PCM1: variants seen among roughly 807,000 people sequenced by gnomAD.
PCM1 encodes the protein pericentriolar material 1 protein.
PCM1 carries 157 observed loss-of-function variants against 241.9 expected under a neutral mutation model. That is an observed-to-expected ratio of 0.65 (90% confidence interval 0.57 to 0.74). The LOEUF (loss-of-function observed/expected upper bound fraction) is 0.74, where lower values mean the gene tolerates loss of function less well. PCM1 is among the 30% of genes least tolerant of loss of function. PCM1 has a pLI of 0.00. For missense variants in PCM1, 3,478 were observed against 2,360.1 expected (o/e 1.47, Z -9.81); for synonymous variants, 1,085 against 784.9 (o/e 1.38, Z -6.39).
chr8:17,963,374 C>A, intron 17 of PCM1, 83 bp downstream of exon 17: 1 of 946,238 alleles, frequency 1.1e-6, no homozygotes, highest in Non-Finnish European at 1.6e-6. Context: ...CATTTCTCCT[C>A]TACATCACAG....
intron 26 of PCM1, among the ~76,000 whole-genome samples, chr8:17,987,646 C>G (rs1400985521): frequency 6.6e-6 from 1 of 151,768 alleles, no homozygotes; most frequent in Non-Finnish European, 1.5e-5. Context: ...TCTTCCAAAA[C>G]TTAAATTCAG....
intron 23 of PCM1, among the ~76,000 whole-genome samples, chr8:17,974,548 G>C (rs962933709): frequency 6.6e-6 from 1 of 152,040 alleles, no homozygotes; most frequent in African/African-American, 2.4e-5. Flanking sequence ...CTCTTGTGTT[G>C]CCAGTATTGG....
At chr8:17,959,610 G>A (rs1563932849) in intron 13 of PCM1, among the ~76,000 whole-genome samples, 1 of 124,552 alleles carries the variant, frequency 8.0e-6, no homozygotes, top group East Asian at 2.3e-4. Flanking sequence ...ATTTCCGTAT[G>A]TATTTATATT....
At chr8:17,931,711 A>G (rs146477117) in intron 2 of PCM1, among the ~76,000 whole-genome samples, 106 of 152,254 alleles carry the variant, frequency 7.0e-4, no homozygotes, top group Middle Eastern at 3.4e-3. Flanking sequence ...TGCTTTTAGT[A>G]CTTTTAAATA....
chr8:18,026,400 G>T (rs908341507), intron 38 of PCM1, among the ~76,000 whole-genome samples: 3 of 149,878 alleles, frequency 2.0e-5, no homozygotes, highest in Non-Finnish European at 4.4e-5. Flanking sequence ...TGGGACTACA[G>T]GCGCCCGCCA....
At chr8:17,926,757 A>G (rs1236712834) in intron 2 of PCM1, 2 of 152,190 alleles carry the variant, frequency 1.3e-5, no homozygotes, top group East Asian at 1.9e-4. Context: ...GGGAGAGAGA[A>G]ACGATCAAGG....
chr8:17,933,325 A>C (rs1054574706), intron 2 of PCM1, among the ~76,000 whole-genome samples: 7 of 152,214 alleles, frequency 4.6e-5, no homozygotes, highest in Admixed American at 2.6e-4. Context: ...CCATATAGAC[A>C]GCTAATTTGG....
In PCM1 at chr8:17,966,013, G is replaced by T; in HGVS notation, c.2870G>T (p.Cys957Phe). Residue 957 changes from cysteine (C) to phenylalanine (F), a missense_variant, in exon 19 of 39, where the codon TGC becomes TTC. By Grantham distance (205) the Cys-to-Phe change is radical. Transcript: ENST00000325083. The stretch of plus-strand genomic sequence containing the variant: ...TCTTGTGTTAGGTGGAAGAACAATT[G>T]CCCTTTTTCGGCAGATGAAAATTAT... ...KETKNRWKNNCPFSADENYRP... is the reference protein window; with the variant it reads ...KETKNRWKNNFPFSADENYRP... 2 of 1,609,934 alleles carry T rather than the reference G, an allele frequency of 1.2e-6. No homozygotes were observed. The highest frequency in any genetic ancestry group is 1.3e-5 in the African/African-American group (1 of 74,914).
intron 2 of PCM1, chr8:17,926,709 T>G (rs2057102061): frequency 6.6e-6 from 1 of 152,074 alleles, no homozygotes; most frequent in African/African-American, 2.4e-5. Flanking sequence ...TTAGTTGGGT[T>G]TGGGTTTGAG....
At chr8:17,965,916 G>C in intron 18 of PCM1, 83 bp from the exon 19 acceptor site, 1 of 874,494 alleles carries the variant, frequency 1.1e-6, no homozygotes, top group African/African-American at 1.7e-5. Flanking sequence ...TTGGCCCATA[G>C]GCCTGAGTAT....
chr8:18,018,840 G>A (rs201183647), intron 36 of PCM1, among the ~76,000 whole-genome samples: 4,419 of 23,374 alleles, frequency 0.19, 98 homozygotes, highest in Middle Eastern at 0.23. Context: ...ATATATATAT[G>A]TGTGTGTGTG....
chr8:17,924,187 C>G (rs1387401202), intron 1 of PCM1, among the ~76,000 whole-genome samples: 1 of 152,076 alleles, frequency 6.6e-6, no homozygotes. Context: ...CTCGGGTGCA[C>G]CTGCTCCTTT....
intron 29 of PCM1, among the ~76,000 whole-genome samples, chr8:18,003,484 T>C (rs2090292117): frequency 6.6e-6 from 1 of 152,208 alleles, no homozygotes; most frequent in Non-Finnish European, 1.5e-5. Flanking sequence ...CAGTTTCTCC[T>C]GTTTTTCAGG....
rs139706442 is a variant in PCM1 at position 18,029,366 on chromosome 8, A to G, written c.*1704A>G. 5 of 213,558 alleles carry G rather than the reference A, an allele frequency of 2.3e-5. No homozygotes were observed. Among genetic ancestry groups the G allele is most frequent in the Non-Finnish European group, 4.7e-5 (5 of 105,750 alleles). The allele number at this position is 213,558 out of a possible 1,614,324, so 13.2% of individuals were successfully genotyped here. The stretch of plus-strand genomic sequence containing the variant: ...GAGTTCTTATCCAGGTGCTCTAACT[A>G]ACTTCAGGGAAATTGGAACAATAAG... On this transcript the variant is annotated 3_prime_UTR_variant, in exon 39 of 39. Coordinates refer to ENST00000325083, the MANE Select transcript of PCM1 (RefSeq NM_006197.4).
At chr8:18,003,968 AT>A (rs1197032740) in intron 29 of PCM1, among the ~76,000 whole-genome samples, 1 of 152,032 alleles carries the variant, frequency 6.6e-6, no homozygotes, top group Non-Finnish European at 1.5e-5. Flanking sequence ...TACAATAAAT[AT>A]TTGTCAACAT....
Position 18,006,348 on chromosome 8 carries a change from G to A in PCM1, c.4913G>A (p.Ser1638Asn), listed in dbSNP as rs1178595357. The change falls in exon 30 of 39, where the codon AGC becomes AAC. Residue 1638 changes from serine (S) to asparagine (N), a missense_variant. Coordinates refer to ENST00000325083, the MANE Select transcript of PCM1 (RefSeq NM_006197.4). ...VLTLTQQNDE[S>N]KEFVKFFHKQ... The stretch of plus-strand genomic sequence containing the variant: ...ACCCTTACCCAGCAAAATGATGAGA[G>A]CAAAGAGTTTGTAAAGTTCTTTCAT... The A allele has an allele frequency of 6.8e-6, 11 of 1,613,016 alleles. No homozygotes were observed. The highest frequency in any genetic ancestry group is 8.5e-6 in the Non-Finnish European group (10 of 1,179,148).
Position 17,966,465 on chromosome 8 carries a change from T to C in PCM1, c.3213T>C (p.Asn1071=), listed in dbSNP as rs1297780550. 5 of 1,613,440 alleles carry C rather than the reference T, an allele frequency of 3.1e-6. No homozygotes were observed. The African/African-American group carries it at 6.7e-5, about 22-fold the overall frequency. The change falls in exon 20 of 39, where the codon AAT becomes AAC. Residue 1071 remains asparagine (N), a synonymous_variant. Coordinates refer to ENST00000325083, the MANE Select transcript of PCM1 (RefSeq NM_006197.4). ...CTCAGCTAACATGGCAACAGAATAATGTTCAGAGGTAATCTGTTTCTTAGA... is the reference window on the plus strand; with the variant it reads ...CTCAGCTAACATGGCAACAGAATAACGTTCAGAGGTAATCTGTTTCTTAGA... ...CYTQLTWQQN[N]VQRLKQMLNE...
intron 13 of PCM1, among the ~76,000 whole-genome samples, chr8:17,958,310 A>G (rs2069682411): frequency 6.6e-6 from 1 of 152,194 alleles, no homozygotes; most frequent in African/African-American, 2.4e-5. Flanking sequence ...TGTATATAAA[A>G]GAAAAACCAT....
At chr8:17,998,009 C>T (rs1180617087) in intron 29 of PCM1, among the ~76,000 whole-genome samples, 1 of 150,704 alleles carries the variant, frequency 6.6e-6, no homozygotes, top group East Asian at 2.0e-4. Flanking sequence ...ACACTCTAGC[C>T]TGGGTGACAG....
Sources: allele counts gnomAD v4.1 joint callset (sites outside exome capture counted in the v4.1 genomes callset), GRCh38; gene constraint gnomAD v4.1.1; transcripts MANE v1.5; gene names NCBI Gene and HGNC (gene_info 2026-07-23, HGNC 2026-07-21).